The following SMC5 variants were observed in gnomAD, a reference collection of about 807,000 sequenced individuals.
The protein encoded by SMC5 is structural maintenance of chromosomes protein 5.
SMC5 carries 88 observed loss-of-function variants against 148.3 expected under a neutral mutation model. The ratio of observed to expected loss-of-function variants is 0.59; its 90% CI spans 0.50 to 0.71. The LOEUF (loss-of-function observed/expected upper bound fraction) is 0.71, where lower values mean the gene tolerates loss of function less well. Among genes scored for constraint, SMC5 ranks in the 30% least tolerant of loss-of-function variants. The pLI, the probability that SMC5 is intolerant of heterozygous loss-of-function variation, is 0.00. For missense variants in SMC5, 1,142 were observed against 1,298.9 expected (o/e 0.88, Z 1.86); for synonymous variants, 421 against 432.8 (o/e 0.97, Z 0.34).
At chr9:70,331,390 A>G (rs1451097875) in intron 17 of SMC5, among the ~76,000 whole-genome samples, 1 of 151,618 alleles carries the variant, frequency 6.6e-6, no homozygotes, top group Non-Finnish European at 1.5e-5. Context: ...ATTTAAACAA[A>G]TCAACTACTT....
At chr9:70,323,374 T>A in intron 15 of SMC5, 109 bp from the exon 16 acceptor site, 1 of 1,059,452 alleles carries the variant, frequency 9.4e-7, no homozygotes, top group Non-Finnish European at 1.3e-6. Flanking sequence ...GCACTATATA[T>A]CTGAAAAGTA....
intron 17 of SMC5, 132 bp downstream of exon 17, chr9:70,324,275 T>C (rs1405619794): frequency 6.9e-6 from 6 of 870,488 alleles, no homozygotes; most frequent in Non-Finnish European, 1.0e-5. Flanking sequence ...TAATGCATCA[T>C]GTTGATGAGG....
chr9:70,324,813 A>G (rs2036035763), intron 17 of SMC5, among the ~76,000 whole-genome samples: 1 of 152,184 alleles, frequency 6.6e-6, no homozygotes, highest in Non-Finnish European at 1.5e-5. Context: ...CACTATTCTT[A>G]ACGATTATGA....
chr9:70,312,299 G>A lies in SMC5; in HGVS notation c.1579-2443G>A, dbSNP rs532752235. On this transcript the variant is annotated intron_variant, in intron 11 of 24. Coordinates refer to ENST00000361138, the MANE Select transcript of SMC5 (RefSeq NM_015110.4). ...TACATGGCAGCAGGAGAGAGAGAGT[G>A]GGCAGGGAACTGCAACAGACTTTTA... is the stretch of plus-strand genomic sequence containing the variant. Among the ~76,000 whole-genome samples, 62 of 152,110 alleles carry A rather than the reference G, an allele frequency of 4.1e-4. No homozygotes were observed. The South Asian group carries it at 0.012, about 29-fold the overall frequency.
chr9:70,295,790 A>G (rs1292155591), intron 8 of SMC5, among the ~76,000 whole-genome samples: 1 of 152,128 alleles, frequency 6.6e-6, no homozygotes, highest in Non-Finnish European at 1.5e-5. Flanking sequence ...AGTGATTTTC[A>G]GTAGTTTGGT....
intron 6 of SMC5, among the ~76,000 whole-genome samples, chr9:70,281,204 C>CT (rs1259441469): frequency 1.3e-5 from 2 of 150,836 alleles, no homozygotes; most frequent in African/African-American, 2.4e-5. Context: ...ACCTGGCCAA[C>CT]TTTTTTTTTG....
At chr9:70,318,386 TAAA>T in intron 13 of SMC5, 125 bp from the exon 14 acceptor site, 5 of 630,368 alleles carry the variant, frequency 7.9e-6, no homozygotes, top group Non-Finnish European at 9.5e-6. Context: ...AGACCCTGTC[TAAA>T]AAAAAAAAAT....
At chr9:70,331,146 G>A (rs1336389343) in intron 17 of SMC5, among the ~76,000 whole-genome samples, 1 of 152,082 alleles carries the variant, frequency 6.6e-6, no homozygotes, top group Non-Finnish European at 1.5e-5. Context: ...CCAGTAGCTA[G>A]GAACAAGTAT....
intron 2 of SMC5, among the ~76,000 whole-genome samples, chr9:70,265,596 A>G (rs918515788): frequency 2.0e-5 from 3 of 152,234 alleles, no homozygotes; most frequent in African/African-American, 7.2e-5. Flanking sequence ...AAATGAAACA[A>G]TGTTTAGTTC....
rs773834634 is a variant in SMC5, at chr9:70,323,645, A to G, written c.2274+39A>G. On this transcript the variant is annotated intron_variant, in intron 16 of 24. Transcript: ENST00000361138. Reference sequence around the variant, plus strand: ...TTAATTTTAGTCATTTTTTAAAGGAAATAGCGGGCAGATAAGATAGTAAAA... The same window carrying G: ...TTAATTTTAGTCATTTTTTAAAGGAGATAGCGGGCAGATAAGATAGTAAAA... 7.6e-6 allele frequency: 12 copies of G among 1,585,134 alleles called. No individual in the cohort carries two copies. The Admixed American group carries it at 1.8e-4, about 23-fold the overall frequency.
chr9:70,321,647 G>A (rs7852005), intron 15 of SMC5, among the ~76,000 whole-genome samples: 32,085 of 151,886 alleles, frequency 0.21, 3,520 homozygotes, highest in South Asian at 0.28. Context: ...CTCCCAAAGT[G>A]CTAGGATTAC....
intron 8 of SMC5, among the ~76,000 whole-genome samples, chr9:70,293,029 T>G (rs1416877072): frequency 6.6e-6 from 1 of 152,118 alleles, no homozygotes; most frequent in East Asian, 1.9e-4. Context: ...GAAGTGATCC[T>G]TCCTCTTCTA....
At position 70,326,643 on chromosome 9, in the gene SMC5, AGAC is replaced by A. The variant is rs2036085931; in HGVS notation, c.2397+2501_2397+2503del. 4.0e-5 allele frequency among the ~76,000 whole-genome samples: 6 copies of A among 150,478 alleles called. No individual in the cohort carries two copies. In the South Asian group the frequency reaches 1.3e-3, roughly 32 times the overall value. Reference sequence around the variant, plus strand: ...TTTTTTTTTAGCTGGGGGTAGGAAAAGACAAGGTTAAAAGCTACACTCATCTAA... The same window carrying A: ...TTTTTTTTTAGCTGGGGGTAGGAAAAAAGGTTAAAAGCTACACTCATCTAA... On this transcript the variant is annotated intron_variant, in intron 17 of 24. Transcript: ENST00000361138.
At position 70,307,382 on chromosome 9, in the gene SMC5, A is replaced by C. The variant is rs572707317; in HGVS notation, c.1578+2022A>C. Among the ~76,000 whole-genome samples the C allele has an allele frequency of 2.1e-4, 32 of 152,312 alleles. 1 individual carries two copies. In the South Asian group the frequency reaches 6.4e-3, roughly 31 times the overall value. ...AGCCATTAATGATTCTAGCTCTGTCATTCCTTCTGTGTTTATTAGTTAGCA... is the reference window on the plus strand; with the variant it reads ...AGCCATTAATGATTCTAGCTCTGTCCTTCCTTCTGTGTTTATTAGTTAGCA... On this transcript the variant is annotated intron_variant, in intron 11 of 24. Coordinates refer to ENST00000361138, the MANE Select transcript of SMC5 (RefSeq NM_015110.4).
intron 8 of SMC5, among the ~76,000 whole-genome samples, chr9:70,293,950 T>G (rs1449242222): frequency 6.6e-6 from 1 of 152,156 alleles, no homozygotes; most frequent in Non-Finnish European, 1.5e-5. Flanking sequence ...ATTTTTGTTT[T>G]TAATGGTCCT....
chr9:70,297,270 C>T (rs1006911980), intron 8 of SMC5, among the ~76,000 whole-genome samples: 2 of 152,158 alleles, frequency 1.3e-5, no homozygotes, highest in African/African-American at 2.4e-5. Context: ...GTTGAACCAT[C>T]AGGAAATAAA....
At chr9:70,341,229 A>G (rs1315175249) in intron 17 of SMC5, among the ~76,000 whole-genome samples, 2 of 152,224 alleles carry the variant, frequency 1.3e-5, no homozygotes, top group Admixed American at 1.3e-4. Flanking sequence ...TCTCAGATAA[A>G]TATTTTATTA....
At chr9:70,289,185 G>A (rs1222892536) in intron 8 of SMC5, among the ~76,000 whole-genome samples, 2 of 151,958 alleles carry the variant, frequency 1.3e-5, no homozygotes, top group Non-Finnish European at 2.9e-5. Flanking sequence ...CTACAGGCAT[G>A]CACCACCACG....
intron 8 of SMC5, among the ~76,000 whole-genome samples, chr9:70,294,120 A>G (rs905626935): frequency 6.6e-6 from 1 of 152,188 alleles, no homozygotes; most frequent in Middle Eastern, 3.2e-3. Flanking sequence ...TTTAAAAGCA[A>G]GAGAAGGAGG....
Sources: gnomAD v4.1 joint callset for allele counts (sites outside exome capture counted in the v4.1 genomes callset) on GRCh38, gnomAD v4.1.1 for gene constraint, MANE v1.5 for transcripts, NCBI Gene and HGNC (gene_info 2026-07-23, HGNC 2026-07-21) for gene names.